YBEY: variants seen among roughly 807,000 people sequenced by gnomAD.
YBEY encodes endoribonuclease YbeY.
A neutral mutation model predicts 13.5 loss-of-function variants in YBEY; 15 were observed. That is an observed-to-expected ratio of 1.11 (90% confidence interval 0.75 to 1.72). YBEY has a LOEUF of 1.72. Ranked by LOEUF, YBEY falls within the 40% of genes most tolerant of loss-of-function variation. The probability of loss-of-function intolerance (pLI) is 0.00; values close to 1 mark genes in which losing one functional copy is unlikely to be tolerated. For missense variants in YBEY, 244 were observed against 208.4 expected (o/e 1.17, Z -1.05); for synonymous variants, 101 against 83.1 (o/e 1.21, Z -1.17).
At chr21:46,290,715 C>T (rs990217831) in intron 2 of YBEY, among the ~76,000 whole-genome samples, 4 of 150,808 alleles carry the variant, frequency 2.7e-5, no homozygotes, top group Admixed American at 6.6e-5. Context: ...TCGAGACCAG[C>T]CTGACCCATA....
Position 46,291,031 on chromosome 21 carries a change from A to AG in YBEY, c.211-303_211-302insG, listed in dbSNP as rs1184969578. Among the ~76,000 whole-genome samples the AG allele has an allele frequency of 2.7e-4, 40 of 150,500 alleles. No homozygotes were observed. In the East Asian group the frequency reaches 6.1e-3, roughly 23 times the overall value. ...AACTCTGTCTCAGGAAAAAAAAAAA[A>AG]AAAAGAAATACAAAAATTAGCTGGG... is the stretch of plus-strand genomic sequence containing the variant. On this transcript the variant is annotated intron_variant, in intron 2 of 4. Transcript: ENST00000397701.
chr21:46,296,063 C>T (rs890116639), intron 3 of YBEY, 99 bp from the exon 4 acceptor site: 32 of 1,316,334 alleles, frequency 2.4e-5, no homozygotes, highest in Non-Finnish European at 3.5e-5. Context: ...TGGGGTCCTG[C>T]AGCCACATAC....
chr21:46,300,802 G>C, downstream of YBEY: 1 of 1,287,130 alleles, frequency 7.8e-7, no homozygotes, highest in Non-Finnish European at 1.0e-6. Context: ...GTCCTAATAG[G>C]GGGTGAATGA....
chr21:46,294,285 CCCG>C (rs1350627056), intron 3 of YBEY, among the ~76,000 whole-genome samples: 9 of 79,810 alleles, frequency 1.1e-4, no homozygotes, highest in African/African-American at 3.1e-4. Context: ...TTAAATTCCT[CCCG>C]CGGTTAGCCT....
chr21:46,305,717 A>G, the YBEY span, among the ~76,000 whole-genome samples: 1 of 152,062 alleles, frequency 6.6e-6, no homozygotes, highest in Non-Finnish European at 1.5e-5. Context: ...AGGTGGGCGG[A>G]TCATGAGGTT....
the YBEY span, among the ~76,000 whole-genome samples, chr21:46,305,278 C>A: frequency 6.8e-6 from 1 of 147,706 alleles, no homozygotes; most frequent in African/African-American, 2.5e-5. Flanking sequence ...CTTAAGTGGT[C>A]ACAATGGTAA....
intron 2 of YBEY, among the ~76,000 whole-genome samples, chr21:46,291,018 GGAA>G (rs1387415964): frequency 7.5e-6 from 1 of 134,046 alleles, no homozygotes; most frequent in Non-Finnish European, 1.6e-5. Context: ...CTCTGTCTCA[GGAA>G]AAAAAAAAAA....
In YBEY at chr21:46,297,733, C is replaced by T. The variant is rs2082000380; in HGVS notation, c.*99C>T. The T allele has an allele frequency of 3.2e-6, 4 of 1,250,756 alleles. No individual in the cohort carries two copies. Among genetic ancestry groups the T allele is most frequent in the Non-Finnish European group, 3.0e-6 (3 of 990,522 alleles). The allele number at this position is 1,250,756 out of a possible 1,614,324, so 77.5% of individuals were successfully genotyped here. A position where few individuals can be genotyped will look rare whatever the true frequency, so the allele number is the denominator to read the frequency against. On this transcript the variant is annotated 3_prime_UTR_variant, in exon 5 of 5. Coordinates refer to ENST00000397701, the MANE Select transcript of YBEY (RefSeq NM_001314025.2). ...ATAACGAATGAACGTACGAGGGGAACCTCCTCTTATTTCCTTCACGTTGCA... is the reference window on the plus strand; with the variant it reads ...ATAACGAATGAACGTACGAGGGGAATCTCCTCTTATTTCCTTCACGTTGCA...
chr21:46,292,271 C>T (rs4819225), intron 3 of YBEY: 44,396 of 152,114 alleles, frequency 0.29, 7,266 homozygotes, highest in Admixed American at 0.39. Flanking sequence ...CCTCTGGCTG[C>T]GTGAGTCCTG....
chr21:46,302,209 A>G, downstream of YBEY: 1 of 1,425,992 alleles, frequency 7.0e-7, no homozygotes, highest in Non-Finnish European at 9.2e-7. Context: ...CCCCACCTCC[A>G]CTCCCGCCCT....
At chr21:46,293,428 C>G (rs1317497106) in intron 3 of YBEY, among the ~76,000 whole-genome samples, 21 of 29,556 alleles carry the variant, frequency 7.1e-4, no homozygotes, top group African/African-American at 8.6e-4. Context: ...GCCCGGGACT[C>G]AGTGGAGTCA....
At chr21:46,297,430 G>C in intron 4 of YBEY, 109 bp from the exon 5 acceptor site, 2 of 1,086,428 alleles carry the variant, frequency 1.8e-6, no homozygotes, top group Non-Finnish European at 2.4e-6. Context: ...CCGCGCGGGC[G>C]GCCGGCTTCC....
the YBEY span, chr21:46,311,604 C>A: frequency 3.0e-6 from 4 of 1,339,332 alleles, no homozygotes; most frequent in African/African-American, 5.7e-5. Flanking sequence ...CTGCATATGT[C>A]CTTGAAGAAA....
intron 3 of YBEY, among the ~76,000 whole-genome samples, chr21:46,295,654 CCCTGTGCTG>C (rs1261894500): frequency 3.9e-5 from 6 of 152,214 alleles, no homozygotes; most frequent in African/African-American, 1.4e-4. Context: ...CTCCCGCACT[CCCTGTGCTG>C]CCTGTGCCCC....
chr21:46,298,437 T>TTTTTG (rs2082021356), downstream of YBEY, among the ~76,000 whole-genome samples: 3 of 115,088 alleles, frequency 2.6e-5, 1 homozygote, highest in Non-Finnish European at 5.9e-5. Context: ...ATCCAAGCTT[T>TTTTTG]TTTTTTTTTG....
chr21:46,310,491 T>TAA, the YBEY span, among the ~76,000 whole-genome samples: 40 of 121,564 alleles, frequency 3.3e-4, no homozygotes, highest in African/African-American at 7.6e-4. Context: ...ACAAAAAAAA[T>TAA]AAAAATAAAA....
the YBEY span, among the ~76,000 whole-genome samples, chr21:46,304,751 C>A: frequency 6.6e-6 from 1 of 152,112 alleles, no homozygotes; most frequent in Non-Finnish European, 1.5e-5. Context: ...GGCATGCGTT[C>A]CATTAGAGGG....
At chr21:46,299,754 C>T (rs113654690), downstream of YBEY, among the ~76,000 whole-genome samples, 46 of 151,098 alleles carry the variant, frequency 3.0e-4, 3 homozygotes, top group African/African-American at 1.0e-3. Context: ...CCCTGAGCCC[C>T]CCCCACCACA....
chr21:46,291,435 A>C lies in YBEY; in HGVS notation c.312A>C (p.Glu104Asp), dbSNP rs2081706755. 1 of 1,614,000 alleles carries C rather than the reference A, an allele frequency of 6.2e-7. No homozygotes were observed. Among genetic ancestry groups the C allele is most frequent in the South Asian group, 1.1e-5 (1 of 91,062 alleles). Residue 104 changes from glutamate (E) to aspartate (D), a missense_variant, in exon 3 of 5, where the codon GAA (glutamate) becomes GAC (aspartate). Physicochemically the swap from Glu to Asp is conservative, Grantham distance 45 (BLOSUM62 2). Coordinates refer to ENST00000397701, the MANE Select transcript of YBEY (RefSeq NM_001314025.2). ...GVEYIFHQCKENEDYNDVLTV... is the reference protein window; with the variant it reads ...GVEYIFHQCKDNEDYNDVLTV... ...AGTATATCTTCCATCAGTGTAAAGA[A>C]AATGAAGATTACAATGACGTCCTGA...
Sources: gnomAD v4.1 joint callset for allele counts (sites outside exome capture counted in the v4.1 genomes callset) on GRCh38, gnomAD v4.1.1 for gene constraint, MANE v1.5 for transcripts, NCBI Gene and HGNC (gene_info 2026-07-23, HGNC 2026-07-21) for gene names.